The following NDUFA10 variants were observed in gnomAD, a reference collection of about 807,000 sequenced individuals.
NDUFA10 encodes NADH:ubiquinone oxidoreductase subunit A10.
Under a neutral mutation model 47.8 loss-of-function variants are expected in NDUFA10, and 40 were observed. That is an observed-to-expected ratio of 0.84 (90% CI 0.65 to 1.09). The LOEUF (loss-of-function observed/expected upper bound fraction) is 1.09, where lower values mean the gene tolerates loss of function less well. NDUFA10 is among the 50% of genes least tolerant of loss of function. NDUFA10 has a pLI of 0.00. For missense variants in NDUFA10, 413 were observed against 451.1 expected (o/e 0.92, Z 0.76); for synonymous variants, 183 against 172.2 (o/e 1.06, Z -0.49).
At chr2:239,943,130 C>T (rs1045323152) in intron 4 of NDUFA10, 2 of 154,298 alleles carry the variant, frequency 1.3e-5, no homozygotes, top group African/African-American at 2.4e-5. Flanking sequence ...CCACTTCTTA[C>T]GGAGAGTTTC....
chr2:239,954,554 G>A (rs960483897), downstream of NDUFA10, among the ~76,000 whole-genome samples: 8 of 152,236 alleles, frequency 5.3e-5, no homozygotes, highest in Non-Finnish European at 8.8e-5. Context: ...GCCTTAAGGA[G>A]GGCAAGATAA....
At chr2:239,952,859 G>A (rs1228640752), downstream of NDUFA10, among the ~76,000 whole-genome samples, 2 of 152,246 alleles carry the variant, frequency 1.3e-5, no homozygotes, top group Non-Finnish European at 2.9e-5. Context: ...GCAAGGCACA[G>A]CTGCCGACGC....
At chr2:239,931,992 C>T (rs898298635) in intron 4 of NDUFA10, among the ~76,000 whole-genome samples, 2 of 152,156 alleles carry the variant, frequency 1.3e-5, no homozygotes, top group South Asian at 2.1e-4. Flanking sequence ...CCCATCACCA[C>T]GCCCAGCTAT....
intron 4 of NDUFA10, among the ~76,000 whole-genome samples, chr2:239,939,312 C>T (rs571243751): frequency 2.6e-5 from 4 of 152,222 alleles, no homozygotes; most frequent in Non-Finnish European, 5.9e-5. Context: ...CCCAGCAGGG[C>T]ACCTGCTGAA....
intron 4 of NDUFA10, among the ~76,000 whole-genome samples, chr2:239,926,364 T>C (rs1694065933): frequency 6.6e-6 from 1 of 152,186 alleles, no homozygotes; most frequent in South Asian, 2.1e-4. Flanking sequence ...TATGCTACAG[T>C]GGTCCCATGA....
chr2:240,017,254 A>G (rs776168928), intron 4 of NDUFA10, among the ~76,000 whole-genome samples: 4 of 152,190 alleles, frequency 2.6e-5, no homozygotes, highest in Admixed American at 6.5e-5. Flanking sequence ...GCCGAGGCGC[A>G]GCTCCTTCCT....
At chr2:240,003,700 C>T (rs560431476) in intron 8 of NDUFA10, among the ~76,000 whole-genome samples, 23 of 152,320 alleles carry the variant, frequency 1.5e-4, no homozygotes, top group Non-Finnish European at 2.1e-4. Context: ...ATCAAAGTCA[C>T]TCACTCCAGA....
chr2:239,921,360 T>C (rs904436876), intron 4 of NDUFA10, among the ~76,000 whole-genome samples: 7 of 148,898 alleles, frequency 4.7e-5, no homozygotes, highest in South Asian at 2.1e-4. Flanking sequence ...ACAAAGCTTC[T>C]ACAGCGTGGA....
intron 4 of NDUFA10, among the ~76,000 whole-genome samples, chr2:239,932,100 C>T (rs545541580): frequency 1.3e-4 from 20 of 151,658 alleles, no homozygotes; most frequent in Non-Finnish European, 2.6e-4. Context: ...TCCCAAAGTG[C>T]TGGGATTACA....
At position 239,945,295 on chromosome 2, in the gene NDUFA10, T is replaced by C. The variant is rs77899227; in HGVS notation, c.294+44779A>G. Among the ~76,000 whole-genome samples, 277 of 152,290 alleles carry C rather than the reference T, an allele frequency of 1.8e-3. 2 individuals carry two copies. The highest frequency in any genetic ancestry group is 6.5e-3 in the African/African-American group (269 of 41,560). On this transcript the variant is annotated intron_variant, in intron 4 of 5. Transcript: ENST00000419408. The surrounding 1 kb of genome is among the most constrained non-coding windows in gnomAD (Gnocchi z 4.6). ...CGGCAGCGCCATCATTCCTCCTGCT[T>C]TGCAGCCAGGAAGACACGAGCTCAC...
chr2:239,926,385 A>G (rs1300410038), intron 4 of NDUFA10, among the ~76,000 whole-genome samples: 1 of 152,216 alleles, frequency 6.6e-6, no homozygotes, highest in Non-Finnish European at 1.5e-5. Context: ...GACTATAATG[A>G]AGCTGAAGAA....
At chr2:239,904,020 A>G (rs1279478981) in intron 4 of NDUFA10, among the ~76,000 whole-genome samples, 2 of 152,094 alleles carry the variant, frequency 1.3e-5, no homozygotes, top group Non-Finnish European at 2.9e-5. Context: ...GCGTCTGCCC[A>G]TCCCAGGGAG....
Position 239,961,110 on chromosome 2 carries a change from C to T in NDUFA10, c.*8G>A, listed in dbSNP as rs370647399. 20 of 1,614,074 alleles carry T rather than the reference C, an allele frequency of 1.2e-5. No individual in the cohort carries two copies. The highest frequency in any genetic ancestry group is 5.0e-5 in the Admixed American group (3 of 60,012). On this transcript the variant is annotated 3_prime_UTR_variant, in exon 10 of 10. Transcript: ENST00000252711. The stretch of plus-strand genomic sequence containing the variant: ...ACTGTGATGCAGCTGGAGCAGAAGG[C>T]GGCCCGTTCACTTCAGCCAGATCCA...
intron 5 of NDUFA10, chr2:240,012,931 A>T (rs968080794): frequency 6.6e-6 from 1 of 152,238 alleles, no homozygotes; most frequent in Non-Finnish European, 1.5e-5. Flanking sequence ...GCTCTGTATT[A>T]GAGGAGTGAG....
intron 4 of NDUFA10, among the ~76,000 whole-genome samples, chr2:239,904,485 G>C (rs1396619540): frequency 6.6e-6 from 1 of 152,082 alleles, no homozygotes; most frequent in Non-Finnish European, 1.5e-5. Context: ...AGTAGAGTTG[G>C]GGTTTCGCCA....
chr2:239,904,833 TAGGGGAGGGTC>T (rs1399790973), intron 4 of NDUFA10, among the ~76,000 whole-genome samples: 3 of 152,204 alleles, frequency 2.0e-5, no homozygotes, highest in Non-Finnish European at 4.4e-5. Context: ...TGGAGACTTC[TAGGGGAGGGTC>T]CCTCCTGCCT....
chr2:239,912,804 G>C (rs2106472808), intron 4 of NDUFA10, among the ~76,000 whole-genome samples: 1 of 152,282 alleles, frequency 6.6e-6, no homozygotes, highest in East Asian at 1.9e-4. Context: ...TGTCTACCTG[G>C]GTGTCAATGT....
rs189530429 is a variant in NDUFA10, at chr2:240,024,568, T to C, written c.75+659A>G. 4.9e-4 allele frequency among the ~76,000 whole-genome samples: 75 copies of C among 152,276 alleles called. 1 individual carries two copies. In the South Asian group the frequency reaches 7.5e-3, roughly 15 times the overall value. ...GCTATTACACACGTGTCAAAACCTA[T>C]AGAACCTTATAGCACAAAGAAAAAA... is the stretch of plus-strand genomic sequence containing the variant. On this transcript the variant is annotated intron_variant, in intron 1 of 9. Transcript: ENST00000252711.
At chr2:239,996,051 C>G (rs773248523) in intron 8 of NDUFA10, among the ~76,000 whole-genome samples, 5 of 152,048 alleles carry the variant, frequency 3.3e-5, no homozygotes, top group African/African-American at 7.3e-5. Context: ...GTAAGGAGAC[C>G]GATGACCCCA....
Sources: allele counts gnomAD v4.1 joint callset (sites outside exome capture counted in the v4.1 genomes callset), GRCh38; gene constraint gnomAD v4.1.1; non-coding constraint Gnocchi (gnomAD v3.1); transcripts MANE v1.5; gene names NCBI Gene and HGNC (gene_info 2026-07-23, HGNC 2026-07-21).